LHCGR: variants seen among roughly 807,000 people sequenced by gnomAD.
LHCGR encodes lutropin-choriogonadotropic hormone receptor.
In LHCGR, 55 loss-of-function variants were observed where a neutral mutation model predicts 60.7. That is an observed-to-expected ratio of 0.91 (90% CI 0.73 to 1.13). The LOEUF (loss-of-function observed/expected upper bound fraction) is 1.13. Ranked by LOEUF, LHCGR falls within the 50% of genes most tolerant of loss-of-function variation. The pLI, the probability that LHCGR is intolerant of heterozygous loss-of-function variation, is 0.00. For synonymous variants in LHCGR, 337 were observed against 316.5 expected, an observed-to-expected ratio of 1.06 and a Z score of -0.69; for missense variants, 862 against 836.0, an observed-to-expected ratio of 1.03 and a Z score of -0.38.
chr2:48,747,098 T>TTG (rs1241528990), intron 1 of LHCGR, among the ~76,000 whole-genome samples: 6 of 151,904 alleles, frequency 3.9e-5, no homozygotes, highest in Non-Finnish European at 8.8e-5. Flanking sequence ...TTACTTTTTT[T>TTG]TTTCTTTTTA....
chr2:48,736,736 T>C (rs976036855), intron 1 of LHCGR, among the ~76,000 whole-genome samples: 4 of 152,168 alleles, frequency 2.6e-5, no homozygotes, highest in African/African-American at 7.2e-5. Context: ...TTATATATAT[T>C]AAAAATTTTA....
chr2:48,708,474 T>A (rs1310764711), intron 8 of LHCGR, among the ~76,000 whole-genome samples: 3 of 152,166 alleles, frequency 2.0e-5, no homozygotes, highest in Non-Finnish European at 2.9e-5. Flanking sequence ...GAAGTTAAAA[T>A]GAGTTTATTA....
At chr2:48,734,021 G>T (rs562910519) in intron 1 of LHCGR, among the ~76,000 whole-genome samples, 50 of 152,266 alleles carry the variant, frequency 3.3e-4, no homozygotes, top group Middle Eastern at 3.4e-3. Flanking sequence ...TATACATTGA[G>T]AAAAATTCTC....
At chr2:48,715,122 T>C (rs1217463191) in intron 6 of LHCGR, among the ~76,000 whole-genome samples, 3 of 152,182 alleles carry the variant, frequency 2.0e-5, no homozygotes, top group African/African-American at 7.2e-5. Flanking sequence ...ACCAATTTCC[T>C]GTTTCCCCCT....
intron 3 of LHCGR, among the ~76,000 whole-genome samples, chr2:48,726,266 G>A (rs1558867733): frequency 6.6e-6 from 1 of 152,154 alleles, no homozygotes; most frequent in Admixed American, 6.5e-5. Flanking sequence ...TTGAATTTGG[G>A]GGATTTTATA....
intron 6 of LHCGR, among the ~76,000 whole-genome samples, chr2:48,716,585 T>C (rs1052457818): frequency 3.9e-5 from 6 of 152,212 alleles, no homozygotes; most frequent in Non-Finnish European, 8.8e-5. Flanking sequence ...TCCCCTTCTA[T>C]ATTGTGGAAT....
chr2:48,694,822 C>T (rs1667038312), intron 9 of LHCGR, among the ~76,000 whole-genome samples: 1 of 152,018 alleles, frequency 6.6e-6, no homozygotes, highest in African/African-American at 2.4e-5. Context: ...TCCATCTTTC[C>T]CTCTAAGAAG....
In LHCGR at chr2:48,688,145, A is replaced by G; in HGVS notation, c.1652T>C (p.Phe551Ser). 1 of 1,614,190 alleles carries G rather than the reference A, an allele frequency of 6.2e-7. No individual in the cohort carries two copies. The highest frequency in any genetic ancestry group is 8.5e-7 in the Non-Finnish European group (1 of 1,180,038). Residue 551 changes from phenylalanine to serine, a missense_variant, in exon 11 of 11, where the codon TTT becomes TCT. Phe to Ser is a radical substitution (Grantham distance 155). Transcript: ENST00000294954. The surrounding 1 kb of genome is among the most constrained non-coding windows in gnomAD (Gnocchi z 5.2). ...CATTAATTCTGGGTTTCGAACTGCA[A>G]AATAAATTTTAATGTAGCAAGCACA... ...IICACYIKIY[F>S]AVRNPELMAT...
At chr2:48,738,382 G>A (rs1669291723) in intron 1 of LHCGR, among the ~76,000 whole-genome samples, 1 of 152,050 alleles carries the variant, frequency 6.6e-6, no homozygotes, top group Non-Finnish European at 1.5e-5. Flanking sequence ...TGCTACTCTT[G>A]GCCATTCTTT....
intron 6 of LHCGR, among the ~76,000 whole-genome samples, chr2:48,717,208 G>T (rs1220766130): frequency 2.6e-5 from 4 of 152,202 alleles, no homozygotes; most frequent in Admixed American, 6.5e-5. Flanking sequence ...CAGTTGTCTA[G>T]ATGCCCATTA....
intron 6 of LHCGR, among the ~76,000 whole-genome samples, chr2:48,719,446 T>C (rs931325681): frequency 2.0e-5 from 3 of 152,188 alleles, no homozygotes; most frequent in Non-Finnish European, 4.4e-5. Context: ...AGAAAATTAA[T>C]TGCTATGACC....
intron 6 of LHCGR, among the ~76,000 whole-genome samples, chr2:48,717,736 T>C (rs1450081316): frequency 6.6e-6 from 1 of 151,758 alleles, no homozygotes; most frequent in East Asian, 1.9e-4. Flanking sequence ...GTCAGTGGCC[T>C]GGGCTGCACT....
At chr2:48,745,573 A>C (rs1669662248) in intron 1 of LHCGR, among the ~76,000 whole-genome samples, 1 of 151,946 alleles carries the variant, frequency 6.6e-6, no homozygotes, top group African/African-American at 2.4e-5. Flanking sequence ...GGAAATCATC[A>C]TTCTCAGTAA....
At chr2:48,724,231 A>G (rs1178842265) in intron 4 of LHCGR, among the ~76,000 whole-genome samples, 2 of 152,184 alleles carry the variant, frequency 1.3e-5, no homozygotes, top group Admixed American at 6.5e-5. Context: ...ATCACTAAAC[A>G]TTGTTTTGGT....
intron 1 of LHCGR, among the ~76,000 whole-genome samples, chr2:48,751,338 G>C (rs1669947108): frequency 6.6e-6 from 1 of 151,992 alleles, no homozygotes. Context: ...TTCCCCCCCA[G>C]CCTGGGAAGA....
intron 1 of LHCGR, among the ~76,000 whole-genome samples, chr2:48,753,467 G>A (rs192596421): frequency 6.6e-6 from 1 of 152,114 alleles, no homozygotes; most frequent in East Asian, 1.9e-4. Context: ...GGGTCACCAC[G>A]CTTGGCTAAG....
intron 6 of LHCGR, 128 bp from the exon 7 acceptor site, chr2:48,714,182 C>A: frequency 1.4e-6 from 1 of 706,830 alleles, no homozygotes; most frequent in Middle Eastern, 2.7e-4. Context: ...AGTTCTCCAT[C>A]ATCACCACCA....
chr2:48,752,782 AC>A (rs1321072891), intron 1 of LHCGR, among the ~76,000 whole-genome samples: 6 of 148,752 alleles, frequency 4.0e-5, no homozygotes, highest in Admixed American at 3.3e-4. Flanking sequence ...CTCTCCTCCT[AC>A]CCCCATTGAG....
intron 1 of LHCGR, 29 bp downstream of exon 1, chr2:48,755,482 G>A (rs971874021): frequency 2.1e-6 from 3 of 1,425,500 alleles, no homozygotes; most frequent in African/African-American, 1.4e-5. Context: ...TGCATCAAGG[G>A]CGCCGCGACG....
Sources: allele counts gnomAD v4.1 joint callset (sites outside exome capture counted in the v4.1 genomes callset), GRCh38; gene constraint gnomAD v4.1.1; non-coding constraint Gnocchi (gnomAD v3.1); transcripts MANE v1.5; gene names NCBI Gene and HGNC (gene_info 2026-07-23, HGNC 2026-07-21).